Variants in GRB14 observed in about 807,000 individuals in gnomAD.
The protein encoded by GRB14 is growth factor receptor-bound protein 14.
A neutral mutation model predicts 69.1 loss-of-function variants in GRB14; 38 were observed. That is an observed-to-expected ratio of 0.55 (90% CI 0.42 to 0.72). The LOEUF is 0.72. Among genes scored for constraint, GRB14 ranks in the 30% least tolerant of loss-of-function variants. The pLI is 0.00. For missense variants in GRB14, 666 were observed against 666.1 expected (o/e 1.00, Z 0.00); for synonymous variants, 247 against 241.3 (o/e 1.02, Z -0.22).
At chr2:164,529,049 G>A (rs1559036333) in intron 3 of GRB14, among the ~76,000 whole-genome samples, 1 of 152,092 alleles carries the variant, frequency 6.6e-6, no homozygotes, top group Non-Finnish European at 1.5e-5. Context: ...TGTGGTATAC[G>A]CAGTACCTAC....
At chr2:164,617,791 T>C (rs951189653) in intron 2 of GRB14, among the ~76,000 whole-genome samples, 1 of 152,128 alleles carries the variant, frequency 6.6e-6, no homozygotes. Flanking sequence ...ATATCTTGCA[T>C]GGTATTGTTG....
At chr2:164,567,588 T>C (rs1689009453) in intron 2 of GRB14, among the ~76,000 whole-genome samples, 1 of 152,220 alleles carries the variant, frequency 6.6e-6, no homozygotes, top group Non-Finnish European at 1.5e-5. Context: ...TCCAGTGCAA[T>C]GTTCTTATTT....
intron 2 of GRB14, among the ~76,000 whole-genome samples, chr2:164,579,874 T>A (rs1689353397): frequency 6.6e-6 from 1 of 152,156 alleles, no homozygotes; most frequent in Admixed American, 6.5e-5. Context: ...CATAAAGTGG[T>A]TATTTTTAAT....
intron 3 of GRB14, among the ~76,000 whole-genome samples, chr2:164,537,480 T>C (rs751704923): frequency 1.8e-4 from 27 of 152,064 alleles, no homozygotes; most frequent in Non-Finnish European, 4.0e-4. Flanking sequence ...GGTGAGACAT[T>C]AAGACTGCAG....
intron 6 of GRB14, among the ~76,000 whole-genome samples, chr2:164,518,233 A>G (rs1308231243): frequency 6.6e-6 from 1 of 152,204 alleles, no homozygotes; most frequent in Non-Finnish European, 1.5e-5. Flanking sequence ...AATCATGCAA[A>G]TACATGGAAA....
In GRB14 at chr2:164,525,032, C is replaced by A. The variant is rs34570870; in HGVS notation, c.650G>T (p.Gly217Val). ...CAAAATCTGTGTGGGGGATATTTCA[C>A]CATTGGTTTCAGTTGCAAAAGATAC... The part of the protein sequence containing the change: ...HMVSFATETN[G>V]EISPTQILQM... The change falls in exon 5 of 14, where the codon GGT (glycine) becomes GTT (valine). Residue 217 changes from glycine to valine, a missense_variant. By Grantham distance (109) the Gly-to-Val change is moderately radical. Transcript: ENST00000263915. 0.018 allele frequency: 28,645 copies of A among 1,591,084 alleles called. 339 individuals are homozygous for A. Among genetic ancestry groups the A allele is most frequent in the Non-Finnish European group, 0.021 (24,582 of 1,165,594 alleles).
chr2:164,582,236 T>C (rs932281150), intron 2 of GRB14, among the ~76,000 whole-genome samples: 5 of 152,114 alleles, frequency 3.3e-5, no homozygotes, highest in Admixed American at 6.5e-5. Flanking sequence ...GCATTTCTAG[T>C]TCAGTGAATG....
chr2:164,592,570 T>C (rs115306769), intron 2 of GRB14, among the ~76,000 whole-genome samples: 1,636 of 152,360 alleles, frequency 0.011, 17 homozygotes, highest in Non-Finnish European at 0.019. Context: ...GATCCAAGTC[T>C]GTGGCCAGCA....
At chr2:164,614,229 T>C (rs569609037) in intron 2 of GRB14, among the ~76,000 whole-genome samples, 113 of 152,366 alleles carry the variant, frequency 7.4e-4, no homozygotes, top group African/African-American at 2.6e-3. Context: ...ATAGATTTGT[T>C]TGAAACCCTA....
intron 2 of GRB14, among the ~76,000 whole-genome samples, chr2:164,576,635 T>C (rs1689258490): frequency 6.6e-6 from 1 of 151,710 alleles, no homozygotes; most frequent in Admixed American, 6.6e-5. Flanking sequence ...ATAATAAATA[T>C]AATAAACACT....
At chr2:164,578,518 G>GCA (rs1689309209) in intron 2 of GRB14, among the ~76,000 whole-genome samples, 1 of 90,320 alleles carries the variant, frequency 1.1e-5, no homozygotes, top group African/African-American at 3.5e-5. Flanking sequence ...AAGACAATTC[G>GCA]CGCGCACACA....
chr2:164,497,288 G>C lies in GRB14; in HGVS notation c.1222-5C>G. The C allele has an allele frequency of 6.2e-7, 1 of 1,611,230 alleles. No homozygotes were observed. Among genetic ancestry groups the C allele is most frequent in the Admixed American group, 1.7e-5 (1 of 59,390 alleles). On this transcript the variant is annotated splice_polypyrimidine_tract_variant and splice_region_variant and intron_variant, in intron 10 of 13. Coordinates refer to ENST00000263915, the MANE Select transcript of GRB14 (RefSeq NM_004490.3). The stretch of plus-strand genomic sequence containing the variant: ...CAGGCGTAAACATCCTTTTTTCTGA[G>C]CAAGGAAGGAGAAAACAAATCTCAA...
At position 164,501,203 on chromosome 2, in the gene GRB14, A is replaced by G. The variant is rs1449889253; in HGVS notation, c.1104+1052T>C. 2.0e-5 allele frequency among the ~76,000 whole-genome samples: 3 copies of G among 152,202 alleles called. No homozygotes were observed. The East Asian group carries it at 5.8e-4, about 29-fold the overall frequency. On this transcript the variant is annotated intron_variant, in intron 9 of 13. Coordinates refer to ENST00000263915, the MANE Select transcript of GRB14 (RefSeq NM_004490.3). ...TAAAAGTAATACCATACAAAGATGG[A>G]AAGTTATTCTTCCATAAGTTAAAGT...
chr2:164,523,612 A>T (rs1687692698), intron 5 of GRB14, among the ~76,000 whole-genome samples: 1 of 152,100 alleles, frequency 6.6e-6, no homozygotes, highest in South Asian at 2.1e-4. Flanking sequence ...TAATTAATTG[A>T]CATGCAAAAC....
intron 3 of GRB14, among the ~76,000 whole-genome samples, chr2:164,538,706 G>C (rs1688149896): frequency 6.6e-6 from 1 of 152,158 alleles, no homozygotes. Context: ...ATTACAGGTA[G>C]AGGATATGAA....
chr2:164,547,378 A>G (rs1688406913), intron 3 of GRB14, among the ~76,000 whole-genome samples: 1 of 152,202 alleles, frequency 6.6e-6, no homozygotes, highest in African/African-American at 2.4e-5. Context: ...TAAAAAATAC[A>G]ACAAATTGTG....
At chr2:164,571,226 T>A (rs901367086) in intron 2 of GRB14, among the ~76,000 whole-genome samples, 1 of 152,202 alleles carries the variant, frequency 6.6e-6, no homozygotes, top group African/African-American at 2.4e-5. Flanking sequence ...ACTTTGCCAC[T>A]CACTAACCTT....
intron 2 of GRB14, among the ~76,000 whole-genome samples, chr2:164,608,658 A>G (rs1252233986): frequency 3.3e-5 from 5 of 152,074 alleles, no homozygotes; most frequent in African/African-American, 1.2e-4. Context: ...AGTGCTAGGA[A>G]GTACATAGAA....
intron 4 of GRB14, among the ~76,000 whole-genome samples, chr2:164,525,355 T>G: frequency 6.6e-6 from 1 of 152,064 alleles, no homozygotes. Flanking sequence ...AAGTTGACAA[T>G]GTGCTTGCTC....
Sources: allele counts gnomAD v4.1 joint callset (sites outside exome capture counted in the v4.1 genomes callset), GRCh38; gene constraint gnomAD v4.1.1; transcripts MANE v1.5; gene names NCBI Gene and HGNC (gene_info 2026-07-23, HGNC 2026-07-21).